The following PRX variants were observed in gnomAD, a reference collection of about 807,000 sequenced individuals.
PRX encodes the protein periaxin.
A neutral mutation model predicts 29.6 loss-of-function variants in PRX; 24 were observed. The observed-to-expected ratio is 0.81, with a 90% CI of 0.59 to 1.14. The LOEUF is 1.14. Ranked by LOEUF, PRX falls within the 50% of genes most tolerant of loss-of-function variation. The pLI, the probability that PRX is intolerant of heterozygous loss-of-function variation, is 0.00. For synonymous variants in PRX, 772 were observed against 831.7 expected (o/e 0.93, Z 1.24); for missense variants, 1,838 against 1,926.4 (o/e 0.95, Z 0.86).
intron 4 of PRX, chr19:40,407,620 A>G: frequency 1.8e-6 from 1 of 570,936 alleles, no homozygotes; most frequent in Non-Finnish European, 3.1e-6. Flanking sequence ...TCTTCTGATG[A>G]AGGGTTTCTG....
In PRX at chr19:40,394,521, G is replaced by A. The variant is rs577796628; in HGVS notation, c.3831C>T (p.Pro1277=). The A allele has an allele frequency of 3.6e-5, 57 of 1,601,068 alleles. No homozygotes were observed. The highest frequency in any genetic ancestry group is 5.1e-5 in the Admixed American group (3 of 58,322). Residue 1277 remains proline, a synonymous_variant, in exon 7 of 7, where the codon CCC becomes CCT. Coordinates refer to ENST00000324001, the MANE Select transcript of PRX (RefSeq NM_181882.3). The surrounding 1 kb of genome is among the most constrained non-coding windows in gnomAD (Gnocchi z 5.8). The stretch of plus-strand genomic sequence containing the variant: ...CCCCGGATGGCGAGAGCTCCACGTC[G>A]GGCAGTGAGAGGCAGAAGGTACGCT... ...GAERTFCLSL[P]DVELSPSGGN...
In PRX at chr19:40,408,160, C is replaced by T. The variant is rs2079541128; in HGVS notation, c.-102G>A. ...CCCCACCCCAGCTGTCCTCTCACCG[C>T]TGCCTGGGTGCAGGCACTTCCTCCT... On this transcript the variant is annotated splice_region_variant and 5_prime_UTR_variant, in exon 3 of 7. Transcript: ENST00000324001. The T allele has an allele frequency of 3.2e-6, 2 of 616,448 alleles. No homozygotes were observed. Among genetic ancestry groups the T allele is most frequent in the African/African-American group, 1.8e-5 (1 of 54,602 alleles). The allele number at this position is 616,448 out of a possible 1,614,324, so 38.2% of individuals were successfully genotyped here. A position where few individuals can be genotyped will look rare whatever the true frequency, so the allele number is the denominator to read the frequency against.
chr19:40,408,208 C>A lies in PRX; in HGVS notation c.-150G>T. The A allele has an allele frequency of 1.7e-6, 1 of 575,758 alleles. No homozygotes were observed. Among genetic ancestry groups the A allele is most frequent in the Non-Finnish European group, 3.1e-6 (1 of 319,814 alleles). The allele number at this position is 575,758 out of a possible 1,614,324, so 35.7% of individuals were successfully genotyped here. On this transcript the variant is annotated 5_prime_UTR_variant, in exon 3 of 7. Coordinates refer to ENST00000324001, the MANE Select transcript of PRX (RefSeq NM_181882.3). ...CCTAACAGGAGCCCAGCCCGAGGTG[C>A]CGCACAGCTGTCTGCAGGGCTCACG...
intron 4 of PRX, among the ~76,000 whole-genome samples, chr19:40,405,604 C>T (rs1327664938): frequency 1.4e-5 from 2 of 143,184 alleles, no homozygotes; most frequent in Non-Finnish European, 3.0e-5. Context: ...GCCCTGGGCT[C>T]AGCATTTTAT....
rs968642155 is a variant in PRX at position 40,409,012 on chromosome 19, C to T, written c.-242-629G>A. On this transcript the variant is annotated intron_variant, in intron 1 of 6. Transcript: ENST00000324001. ...GACTACAGGTACGCACCGCCATACCCGGCTATTTCTTGTATTTTTAGTAGA... is the reference window on the plus strand; with the variant it reads ...GACTACAGGTACGCACCGCCATACCTGGCTATTTCTTGTATTTTTAGTAGA... 2.0e-5 allele frequency among the ~76,000 whole-genome samples: 3 copies of T among 151,884 alleles called. No individual in the cohort carries two copies. In the South Asian group the frequency reaches 6.2e-4, roughly 32 times the overall value.
chr19:40,397,448 A>T lies in PRX; in HGVS notation c.904T>A (p.Ser302Thr). ...VPQVELPALP[S>T]LPTLPTLPCL... Reference sequence around the variant, plus strand: ...GGAAGTGTGGGCAGAGTGGGCAGTGAGGGCAAGGCAGGCAGCTCCACCTGG... The same window carrying T: ...GGAAGTGTGGGCAGAGTGGGCAGTGTGGGCAAGGCAGGCAGCTCCACCTGG... The change falls in exon 7 of 7, where the codon TCA becomes ACA. Residue 302 changes from serine to threonine, a missense_variant. By Grantham distance (58) the Ser-to-Thr change is moderately conservative. This residue lies in a region of PRX where 666 missense variants were observed against 665.0 expected (regional missense o/e 1.00). Transcript: ENST00000324001. 6.3e-7 allele frequency: 1 copy of T among 1,591,374 alleles called. No homozygotes were observed. Among genetic ancestry groups the T allele is most frequent in the Non-Finnish European group, 8.5e-7 (1 of 1,170,366 alleles).
intron 4 of PRX, chr19:40,407,494 T>A: frequency 3.9e-6 from 1 of 253,720 alleles, no homozygotes; most frequent in Non-Finnish European, 7.8e-6. Flanking sequence ...AGAGACAGGG[T>A]CTTCCTATGT....
chr19:40,407,100 T>G (rs914927767), intron 4 of PRX, among the ~76,000 whole-genome samples: 2 of 151,732 alleles, frequency 1.3e-5, no homozygotes, highest in Non-Finnish European at 2.9e-5. Flanking sequence ...AGTGGGAAAC[T>G]GAGGCTGAAA....
At chr19:40,399,856 T>TTTCTTTCTTTCTTTCC (rs1491120471) in intron 5 of PRX, among the ~76,000 whole-genome samples, 1 of 58,914 alleles carries the variant, frequency 1.7e-5, no homozygotes, top group Non-Finnish European at 3.5e-5. Context: ...CTTTCCTTTC[T>TTTCTTTCTTTCTTTCC]TTCTTTCTTT....
At chr19:40,400,619 G>C (rs1171863754) in intron 5 of PRX, among the ~76,000 whole-genome samples, 1 of 69,852 alleles carries the variant, frequency 1.4e-5, no homozygotes, top group Non-Finnish European at 2.8e-5. Context: ...AAAAAAAAAA[G>C]ACAAGATCTC....
Position 40,407,905 on chromosome 19 carries a change from C to T in PRX, c.27+1G>A. ...GCCTTGCAGGACACGTGGGCACTCA[C>T]CTCGGCACTCCGGCTCCTGGCCTCC... is the stretch of plus-strand genomic sequence containing the variant. On this transcript the variant is annotated splice_donor_variant, in intron 4 of 6. Transcript: ENST00000324001. LOFTEE classifies it high-confidence loss of function. The T allele has an allele frequency of 6.2e-7, 1 of 1,613,668 alleles. No homozygotes were observed. The highest frequency in any genetic ancestry group is 8.5e-7 in the Non-Finnish European group (1 of 1,180,040).
intron 5 of PRX, among the ~76,000 whole-genome samples, chr19:40,402,568 G>A (rs1171445286): frequency 6.8e-6 from 1 of 148,010 alleles, no homozygotes; most frequent in Admixed American, 6.8e-5. Flanking sequence ...TCAGGAGATC[G>A]AGACCATCCT....
At chr19:40,407,822 AG>A in intron 4 of PRX, 83 bp downstream of exon 4, 1 of 1,576,438 alleles carries the variant, frequency 6.3e-7, no homozygotes, top group Non-Finnish European at 8.7e-7. Context: ...AGGCACAGAG[AG>A]GCCAGAAAGT....
intron 4 of PRX, chr19:40,407,618 T>C (rs531997669): frequency 1.8e-6 from 1 of 568,374 alleles, no homozygotes; most frequent in East Asian, 3.0e-5. Context: ...CCTCTTCTGA[T>C]GAAGGGTTTC....
intron 4 of PRX, among the ~76,000 whole-genome samples, chr19:40,406,911 C>T (rs1323626641): frequency 6.6e-6 from 1 of 151,472 alleles, no homozygotes; most frequent in Non-Finnish European, 1.5e-5. Flanking sequence ...GTAGCTGGGA[C>T]TACAGGTGTG....
chr19:40,405,881 C>T (rs1426912018), intron 4 of PRX, among the ~76,000 whole-genome samples: 1 of 151,608 alleles, frequency 6.6e-6, no homozygotes, highest in Non-Finnish European at 1.5e-5. Flanking sequence ...TCATGATCCA[C>T]CCGCCTCAGC....
chr19:40,411,735 C>T (rs1187082520), intron 1 of PRX, among the ~76,000 whole-genome samples: 2 of 152,158 alleles, frequency 1.3e-5, no homozygotes, highest in African/African-American at 2.4e-5. Flanking sequence ...CCCAGCTCTG[C>T]CTATCCCACT....
At position 40,410,590 on chromosome 19, in the gene PRX, C is replaced by T. The variant is rs974037215; in HGVS notation, c.-242-2207G>A. ...TTGAACTTGTCTAAAAACTCCAGCA[C>T]GGGCTGGGCGCGTGGCTTAGGCCTG... On this transcript the variant is annotated intron_variant, in intron 1 of 6. Transcript: ENST00000324001. 2.0e-5 allele frequency among the ~76,000 whole-genome samples: 3 copies of T among 152,322 alleles called. No individual in the cohort carries two copies. The East Asian group carries it at 5.8e-4, about 29-fold the overall frequency.
upstream of PRX, among the ~76,000 whole-genome samples, chr19:40,414,623 G>A (rs1040140007): frequency 2.6e-5 from 4 of 152,004 alleles, no homozygotes; most frequent in East Asian, 1.9e-4. Flanking sequence ...AGACCTGCCC[G>A]ACTCCCAAGC....
Sources: gnomAD v4.1 joint callset for allele counts (sites outside exome capture counted in the v4.1 genomes callset) on GRCh38, gnomAD v4.1.1 for gene constraint, gnomAD v4.1.1 regional missense constraint, Gnocchi (gnomAD v3.1) non-coding constraint, MANE v1.5 for transcripts, NCBI Gene and HGNC (gene_info 2026-07-23, HGNC 2026-07-21) for gene names.